KIF26A: variants seen among roughly 807,000 people sequenced by gnomAD.
The protein encoded by KIF26A is kinesin family member 26A, also known as kinesin-like protein KIF26A.
KIF26A carries 74 observed loss-of-function variants against 126.0 expected under a neutral mutation model. The ratio of observed to expected loss-of-function variants is 0.59; its 90% CI spans 0.49 to 0.71. KIF26A has a LOEUF of 0.71. Ranked by LOEUF, KIF26A falls within the 30% of genes least tolerant of loss-of-function variation. KIF26A has a pLI of 0.00. For missense variants in KIF26A, 2,984 were observed against 2,763.3 expected, an observed-to-expected ratio of 1.08 and a Z score of -1.79; for synonymous variants, 1,445 against 1,232.7, an observed-to-expected ratio of 1.17 and a Z score of -3.61.
rs781649413 is a variant in KIF26A, at chr14:104,173,073, G to A, written c.1517G>A (p.Arg506His). The change falls in exon 8 of 15, where the codon CGC becomes CAC. Residue 506 changes from arginine (R) to histidine (H), a missense_variant. By Grantham distance (29) the Arg-to-His change is conservative. Transcript: ENST00000423312. ...ISWLFRLIEERRERTGTRFSV... is the reference protein window; with the variant it reads ...ISWLFRLIEEHRERTGTRFSV... ...TGGCTCTTCAGGCTCATCGAGGAGC[G>A]CAGGGAGAGGACGGGCACCCGCTTC... 6.9e-6 allele frequency: 11 copies of A among 1,604,900 alleles called. No individual in the cohort carries two copies. Among genetic ancestry groups the A allele is most frequent in the African/African-American group, 2.7e-5 (2 of 74,776 alleles).
intron 4 of KIF26A, among the ~76,000 whole-genome samples, chr14:104,165,755 T>C (rs1334302375): frequency 2.0e-5 from 3 of 148,262 alleles, no homozygotes; most frequent in Non-Finnish European, 4.6e-5. Context: ...GTGTCTGTGT[T>C]TCTGTATGCA....
At chr14:104,157,373 T>TG (rs1026543003) in intron 3 of KIF26A, among the ~76,000 whole-genome samples, 6 of 151,948 alleles carry the variant, frequency 3.9e-5, no homozygotes, top group African/African-American at 7.3e-5. Context: ...GGTGAGAGGG[T>TG]GGGGGGTCTG....
At position 104,175,412 on chromosome 14, in the gene KIF26A, G is replaced by C. The variant is rs571139068; in HGVS notation, c.2624G>C (p.Gly875Ala). The change falls in exon 12 of 15, where the codon GGC becomes GCC. Residue 875 changes from glycine to alanine, a missense_variant. Gly to Ala is a moderately conservative substitution (Grantham distance 60). Coordinates refer to ENST00000423312, the MANE Select transcript of KIF26A (RefSeq NM_015656.2). ...DGAQASPARG[G>A]RKPSPPEAAS... is the part of the protein sequence containing the mutation. ...GCTCAGGCCAGCCCCGCCCGAGGGG[G>C]CCGGAAGCCCTCGCCACCAGAGGCT... is the stretch of plus-strand genomic sequence containing the variant. 2 of 1,594,650 alleles carry C rather than the reference G, an allele frequency of 1.3e-6. No individual in the cohort carries two copies. The highest frequency in any genetic ancestry group is 2.2e-5 in the East Asian group (1 of 44,522).
rs1227300906 is a variant in KIF26A, at chr14:104,165,424, CGT to C, written c.924-1428_924-1427del. ...TATGTGTTCTGTGTGTCTCTGTATG[CGT>C]GTGTGTCTGTCTCTGTGTGTGTTTC... On this transcript the variant is annotated intron_variant, in intron 4 of 14. Transcript: ENST00000423312. Among the ~76,000 whole-genome samples, 162 of 125,916 alleles carry C rather than the reference CGT, an allele frequency of 1.3e-3. 6 individuals are homozygous for C. Among genetic ancestry groups the C allele is most frequent in the African/African-American group, 5.3e-3 (155 of 29,320 alleles). The allele number at this position is 125,916 out of a possible 152,430, so 82.6% of individuals were successfully genotyped here.
At chr14:104,158,014 C>G in intron 4 of KIF26A, 72 bp downstream of exon 4, 1 of 1,383,308 alleles carries the variant, frequency 7.2e-7, no homozygotes, top group Non-Finnish European at 9.5e-7. Flanking sequence ...CCCTGGGGAC[C>G]TATGGGCCGT....
intron 2 of KIF26A, among the ~76,000 whole-genome samples, chr14:104,146,698 G>A (rs1596132630): frequency 6.6e-6 from 1 of 152,172 alleles, no homozygotes; most frequent in African/African-American, 2.4e-5. Context: ...GTGCAGTCCC[G>A]GCATCCGGAC....
At position 104,169,732 on chromosome 14, in the gene KIF26A, C is replaced by CT. The variant is rs1566862589; in HGVS notation, c.1114-1991_1114-1990insT. Among the ~76,000 whole-genome samples, 7 of 152,252 alleles carry CT rather than the reference C, an allele frequency of 4.6e-5. No individual in the cohort carries two copies. The South Asian group carries it at 1.4e-3, about 32-fold the overall frequency. ...CATCCCTGTCTGGGTGGGTGCTGAG[C>CT]AGCGCCCTTCCCCCTCCCTGCCTGG... On this transcript the variant is annotated intron_variant, in intron 5 of 14. Coordinates refer to ENST00000423312, the MANE Select transcript of KIF26A (RefSeq NM_015656.2).
In KIF26A at chr14:104,157,925, A is replaced by G; in HGVS notation, c.906A>G (p.Ala302=). 6.6e-7 allele frequency: 1 copy of G among 1,515,894 alleles called. No individual in the cohort carries two copies. The highest frequency in any genetic ancestry group is 8.8e-7 in the Non-Finnish European group (1 of 1,131,192). 93.9% of individuals were successfully genotyped at this position (1,515,894 alleles called of 1,614,324 possible). A position where few individuals can be genotyped will look rare whatever the true frequency, so the allele number is the denominator to read the frequency against. Residue 302 remains alanine, a synonymous_variant, in exon 4 of 15, where the codon GCA becomes GCG. Coordinates refer to ENST00000423312, the MANE Select transcript of KIF26A (RefSeq NM_015656.2). The part of the protein sequence containing the change: ...SVGGSTGPSA[A]ASFFIRAMQK... ...GGGGCTCCACAGGCCCCTCAGCTGC[A>G]GCCTCCTTCTTCATAAGGTATGTCC...
chr14:104,179,877 G>A lies in KIF26A; in HGVS notation c.*87G>A. 1.5e-6 allele frequency: 2 copies of A among 1,331,418 alleles called. No homozygotes were observed. Among genetic ancestry groups the A allele is most frequent in the Non-Finnish European group, 2.0e-6 (2 of 998,876 alleles). 82.5% of individuals were successfully genotyped at this position (1,331,418 alleles called of 1,614,324 possible). A position where few individuals can be genotyped will look rare whatever the true frequency, so the allele number is the denominator to read the frequency against. On this transcript the variant is annotated 3_prime_UTR_variant, in exon 15 of 15. Coordinates refer to ENST00000423312, the MANE Select transcript of KIF26A (RefSeq NM_015656.2). ...AGCGAGGATGTGGTGGGGGCTGCGG[G>A]GGGAGGATGCGGAGGGGTTTCTGTG...
chr14:104,177,520 C>G lies in KIF26A; in HGVS notation c.4732C>G (p.Arg1578Gly). 2 of 1,535,978 alleles carry G rather than the reference C, an allele frequency of 1.3e-6. No homozygotes were observed. The highest frequency in any genetic ancestry group is 1.7e-6 in the Non-Finnish European group (2 of 1,146,546). The change falls in exon 12 of 15, where the codon CGA (arginine) becomes GGA (glycine). Residue 1578 changes from arginine (R) to glycine (G), a missense_variant. By Grantham distance (125) the Arg-to-Gly change is moderately radical. Transcript: ENST00000423312. ...GCTGTCAGCCAGTGGAGCCCCGGGC[C>G]GAGGTGGCTCCTCGTGGGGCTCGGC... Reference protein sequence around the residue: ...HELSASGAPGRGGSSWGSADS... With the variant: ...HELSASGAPGGGGSSWGSADS...
intron 5 of KIF26A, among the ~76,000 whole-genome samples, chr14:104,168,568 G>T (rs113781548): frequency 0.043 from 6,554 of 152,242 alleles, 182 homozygotes; most frequent in Non-Finnish European, 0.063. Context: ...GAGCTGCATG[G>T]GTGTCCAGAG....
At position 104,151,926 on chromosome 14, in the gene KIF26A, G is replaced by C; in HGVS notation, c.289-89G>C. On this transcript the variant is annotated intron_variant, in intron 2 of 14. Transcript: ENST00000423312. The surrounding 1 kb of genome is among the most constrained non-coding windows in gnomAD (Gnocchi z 4.9). ...CGGTGGCCAGGCGGGAGCTCGCAGC[G>C]TCATGGACGGTGAGAGTGCTGGTGG... is the stretch of plus-strand genomic sequence containing the variant. 3.4e-6 allele frequency: 4 copies of C among 1,191,340 alleles called. No homozygotes were observed. The highest frequency in any genetic ancestry group is 5.0e-6 in the Non-Finnish European group (4 of 805,040). 73.8% of individuals were successfully genotyped at this position (1,191,340 alleles called of 1,614,324 possible).
At chr14:104,165,585 C>CTGTGTCTATGCATG (rs1566860930) in intron 4 of KIF26A, among the ~76,000 whole-genome samples, 21 of 140,228 alleles carry the variant, frequency 1.5e-4, no homozygotes, top group Admixed American at 2.8e-4. Context: ...ATGTGTGTGT[C>CTGTGTCTATGCATG]TGTGTGTCTA....
chr14:104,159,868 CA>C (rs1342679546), intron 4 of KIF26A, among the ~76,000 whole-genome samples: 1 of 151,878 alleles, frequency 6.6e-6, no homozygotes, highest in Admixed American at 6.5e-5. Context: ...CCTGAACCCT[CA>C]GGGGTGAGAT....
In KIF26A at chr14:104,180,006, C is replaced by A; in HGVS notation, c.*216C>A. The A allele has an allele frequency of 2.1e-6, 1 of 470,822 alleles. No homozygotes were observed. Among genetic ancestry groups the A allele is most frequent in the Non-Finnish European group, 3.7e-6 (1 of 271,118 alleles). 29.2% of individuals were successfully genotyped at this position (470,822 alleles called of 1,614,324 possible). A position where few individuals can be genotyped will look rare whatever the true frequency, so the allele number is the denominator to read the frequency against. On this transcript the variant is annotated 3_prime_UTR_variant, in exon 15 of 15. Coordinates refer to ENST00000423312, the MANE Select transcript of KIF26A (RefSeq NM_015656.2). ...GGGTGACCAGAAGACCGTCACCACC[C>A]GACAGCAACGCAAGTGCCTTTGACC...
At position 104,179,837 on chromosome 14, in the gene KIF26A, C is replaced by G; in HGVS notation, c.*47C>G. ...AGGGGGCGTGCAGCGGGCTGGAGGA[C>G]GGGACGTGGGACGGAGCGAGGATGT... On this transcript the variant is annotated 3_prime_UTR_variant, in exon 15 of 15. Transcript: ENST00000423312. 1 of 1,449,918 alleles carries G rather than the reference C, an allele frequency of 6.9e-7. No individual in the cohort carries two copies. The highest frequency in any genetic ancestry group is 1.4e-5 in the South Asian group (1 of 71,226). 89.8% of individuals were successfully genotyped at this position (1,449,918 alleles called of 1,614,324 possible).
Position 104,177,571 on chromosome 14 carries a change from G to A in KIF26A, c.4783G>A (p.Gly1595Ser), listed in dbSNP as rs563795024. The change falls in exon 12 of 15, where the codon GGC (glycine) becomes AGC (serine). Residue 1595 changes from glycine to serine, a missense_variant. Gly to Ser is a moderately conservative substitution (Grantham distance 56, BLOSUM62 0). Coordinates refer to ENST00000423312, the MANE Select transcript of KIF26A (RefSeq NM_015656.2). ...GGACTCAGACAGCGGCCATGACAGCGGCGTGAACGTGGGGGAGGAGCGGCC... is the reference window on the plus strand; with the variant it reads ...GGACTCAGACAGCGGCCATGACAGCAGCGTGAACGTGGGGGAGGAGCGGCC... Reference protein sequence around the residue: ...SADSDSGHDSGVNVGEERPPT... With the variant: ...SADSDSGHDSSVNVGEERPPT... 34 of 1,536,352 alleles carry A rather than the reference G, an allele frequency of 2.2e-5. No individual in the cohort carries two copies. The highest frequency in any genetic ancestry group is 1.9e-4 in the Middle Eastern group (1 of 5,252).
At position 104,176,354 on chromosome 14, in the gene KIF26A, G is replaced by A; in HGVS notation, c.3566G>A (p.Gly1189Asp). The A allele has an allele frequency of 1.3e-6, 2 of 1,582,016 alleles. No homozygotes were observed. Among genetic ancestry groups the A allele is most frequent in the East Asian group, 2.3e-5 (1 of 43,578 alleles). Residue 1189 changes from glycine to aspartate, a missense_variant, in exon 12 of 15, where the codon GGC becomes GAC. Transcript: ENST00000423312. The stretch of plus-strand genomic sequence containing the variant: ...GCTGCAGTGGCCCCATCCCGACCCG[G>A]CAGGGAGCCCCAGGCCGGGCCCTCG... ...EVAAVAPSRP[G>D]REPQAGPSRW...
chr14:104,175,046 A>G lies in KIF26A; in HGVS notation c.2258A>G (p.His753Arg). Residue 753 changes from histidine (H) to arginine (R), a missense_variant, in exon 12 of 15, where the codon CAC (histidine) becomes CGC (arginine). Physicochemically the swap from His to Arg is conservative, Grantham distance 29 (BLOSUM62 0). Transcript: ENST00000423312. ...CEEGRARRPPHLRPFHPRTVA... is the reference protein window; with the variant it reads ...CEEGRARRPPRLRPFHPRTVA... ...GAAGGCCGGGCCCGTCGGCCCCCGC[A>G]CCTGCGGCCCTTCCACCCACGCACT... The G allele has an allele frequency of 6.4e-7, 1 of 1,574,336 alleles. No homozygotes were observed. The highest frequency in any genetic ancestry group is 8.6e-7 in the Non-Finnish European group (1 of 1,162,858).
Sources: allele counts gnomAD v4.1 joint callset (sites outside exome capture counted in the v4.1 genomes callset), GRCh38; gene constraint gnomAD v4.1.1; non-coding constraint Gnocchi (gnomAD v3.1); transcripts MANE v1.5; gene names NCBI Gene and HGNC (gene_info 2026-07-23, HGNC 2026-07-21).